PRR11: variants seen among roughly 807,000 people sequenced by gnomAD.
PRR11 encodes proline rich 11.
A neutral mutation model predicts 45.6 loss-of-function variants in PRR11; 30 were observed. The observed-to-expected ratio is 0.66, with a 90% CI of 0.49 to 0.89. PRR11 has a LOEUF of 0.89. Among genes scored for constraint, PRR11 ranks in the 40% least tolerant of loss-of-function variants. The pLI is 0.00. For synonymous variants in PRR11, 128 were observed against 153.5 expected, an observed-to-expected ratio of 0.83 and a Z score of 1.23; for missense variants, 373 against 424.8, an observed-to-expected ratio of 0.88 and a Z score of 1.07.
At chr17:59,169,988 C>T (rs919913761) in intron 2 of PRR11, 108 bp downstream of exon 2, 1 of 1,369,648 alleles carries the variant, frequency 7.3e-7, no homozygotes, top group Non-Finnish European at 9.7e-7. Flanking sequence ...TGCAGTCATT[C>T]ATTCCTGTAA....
At chr17:59,192,366 A>G (rs1052481585) in intron 4 of PRR11, among the ~76,000 whole-genome samples, 2 of 152,222 alleles carry the variant, frequency 1.3e-5, no homozygotes, top group Non-Finnish European at 2.9e-5. Context: ...ATAAGCTTCA[A>G]TTGTTTTCAA....
chr17:59,195,965 G>A (rs1029269750), intron 7 of PRR11, among the ~76,000 whole-genome samples: 7 of 151,656 alleles, frequency 4.6e-5, no homozygotes, highest in African/African-American at 9.7e-5. Flanking sequence ...GTGTGTGCCT[G>A]TAGTCCCAGC....
intron 4 of PRR11, among the ~76,000 whole-genome samples, chr17:59,191,321 C>T (rs1268277983): frequency 6.6e-6 from 1 of 150,968 alleles, no homozygotes; most frequent in Non-Finnish European, 1.5e-5. Context: ...CGGGTTCAAG[C>T]GATTCTCCTG....
At chr17:59,162,744 T>C (rs1466570849) in intron 1 of PRR11, among the ~76,000 whole-genome samples, 1 of 151,296 alleles carries the variant, frequency 6.6e-6, no homozygotes. Flanking sequence ...TTTTTTTTTT[T>C]TGAGACAGAG....
chr17:59,156,510 G>A (rs1392941476), intron 1 of PRR11, among the ~76,000 whole-genome samples: 1 of 152,072 alleles, frequency 6.6e-6, no homozygotes, highest in Non-Finnish European at 1.5e-5. Context: ...TGGAAATTAA[G>A]TAATTGAAGG....
At position 59,197,768 on chromosome 17, in the gene PRR11, G is replaced by A; in HGVS notation, c.993G>A (p.Gln331=). 6.2e-7 allele frequency: 1 copy of A among 1,613,688 alleles called. No homozygotes were observed. Among genetic ancestry groups the A allele is most frequent in the Non-Finnish European group, 8.5e-7 (1 of 1,179,868 alleles). Residue 331 remains glutamine (Q), a synonymous_variant, in exon 9 of 10, where the codon CAG becomes CAA. Transcript: ENST00000262293. ...CAGGACTGACTCCAGTGATGACGCAGGCCTTAAGGAGAAAGTTTCAGGTAA... is the reference window on the plus strand; with the variant it reads ...CAGGACTGACTCCAGTGATGACGCAAGCCTTAAGGAGAAAGTTTCAGGTAA... ...TGTGLTPVMT[Q]ALRRKFQLAH...
chr17:59,200,469 A>T (rs537706497), intron 9 of PRR11, among the ~76,000 whole-genome samples: 1 of 152,012 alleles, frequency 6.6e-6, no homozygotes, highest in African/African-American at 2.4e-5. Context: ...TTTTTAATAT[A>T]TACAACTAAC....
intron 5 of PRR11, among the ~76,000 whole-genome samples, chr17:59,194,267 T>TCA (rs57853873): frequency 0.088 from 12,363 of 141,040 alleles, 545 homozygotes; most frequent in East Asian, 0.17. Context: ...TTCCCAATCC[T>TCA]CACACACACA....
intron 7 of PRR11, among the ~76,000 whole-genome samples, chr17:59,196,596 C>G (rs2046867051): frequency 6.6e-6 from 1 of 151,894 alleles, no homozygotes. Context: ...AGGGTGGTCT[C>G]AAACTCCTGA....
intron 2 of PRR11, among the ~76,000 whole-genome samples, chr17:59,171,088 T>C (rs1372985014): frequency 6.6e-6 from 1 of 151,290 alleles, no homozygotes; most frequent in Non-Finnish European, 1.5e-5. Context: ...TGAAACCCCG[T>C]CTCTACTAAA....
intron 1 of PRR11, among the ~76,000 whole-genome samples, chr17:59,166,005 A>G (rs1159964251): frequency 1.3e-5 from 2 of 152,208 alleles, no homozygotes; most frequent in East Asian, 1.9e-4. Flanking sequence ...AGTTAGTCCA[A>G]TTAGATGTTA....
At chr17:59,178,376 G>A in intron 2 of PRR11, 1 of 448,154 alleles carries the variant, frequency 2.2e-6, no homozygotes, top group South Asian at 1.7e-5. Context: ...GGGAAGTGCT[G>A]GAGGGAGAGA....
At chr17:59,160,801 A>C (rs557474279) in intron 1 of PRR11, 3 of 152,098 alleles carry the variant, frequency 2.0e-5, no homozygotes, top group African/African-American at 7.2e-5. Flanking sequence ...TGGCGCAGTC[A>C]TGGGTCACTG....
intron 2 of PRR11, among the ~76,000 whole-genome samples, chr17:59,172,817 C>A (rs1050003679): frequency 6.6e-6 from 1 of 152,224 alleles, no homozygotes; most frequent in Admixed American, 6.5e-5. Context: ...CCATGGTGGG[C>A]CCCTGCACCA....
At chr17:59,166,762 T>TA (rs2046681913) in intron 1 of PRR11, among the ~76,000 whole-genome samples, 2 of 152,194 alleles carry the variant, frequency 1.3e-5, no homozygotes, top group African/African-American at 4.8e-5. Context: ...GACATTTGTA[T>TA]AAAAAATTCA....
Position 59,204,892 on chromosome 17 carries a change from G to A in PRR11, c.*3261G>A, listed in dbSNP as rs1322793779. Among the ~76,000 whole-genome samples the A allele has an allele frequency of 2.6e-5, 4 of 151,864 alleles. No individual in the cohort carries two copies. Among genetic ancestry groups the A allele is most frequent in the African/African-American group, 9.7e-5 (4 of 41,352 alleles). On this transcript the variant is annotated 3_prime_UTR_variant, in exon 10 of 10. Coordinates refer to ENST00000262293, the MANE Select transcript of PRR11 (RefSeq NM_018304.4). ...AAAAACGAAAAATTAGCCGGGAGCG[G>A]TGATGTGTGCCTGTAGTCCCAGCTA...
intron 2 of PRR11, among the ~76,000 whole-genome samples, chr17:59,172,781 A>G (rs1170499925): frequency 1.3e-5 from 2 of 152,256 alleles, no homozygotes; most frequent in Non-Finnish European, 2.9e-5. Context: ...CGGGACCTGC[A>G]GCCCGCCATG....
chr17:59,170,996 A>C (rs568580616), intron 2 of PRR11, among the ~76,000 whole-genome samples: 1 of 152,126 alleles, frequency 6.6e-6, no homozygotes, highest in African/African-American at 2.4e-5. Flanking sequence ...GCGGTGGCTC[A>C]TGCCCGTAAT....
rs1222849554 is a variant in PRR11 at position 59,197,784 on chromosome 17, T to C, written c.1009T>C (p.Phe337Leu). 1 of 1,612,542 alleles carries C rather than the reference T, an allele frequency of 6.2e-7. No homozygotes were observed. Among genetic ancestry groups the C allele is most frequent in the Admixed American group, 1.7e-5 (1 of 59,980 alleles). ...GATGACGCAGGCCTTAAGGAGAAAG[T>C]TTCAGGTAACCCTTTAGGAAAAGAA... ...PVMTQALRRK[F>L]QLAHPRSPTP... Residue 337 changes from phenylalanine to leucine, a missense_variant, in exon 9 of 10, where the codon TTT becomes CTT. Physicochemically the swap from Phe to Leu is conservative, Grantham distance 22 (BLOSUM62 0). Transcript: ENST00000262293.
Sources: gnomAD v4.1 joint callset for allele counts (sites outside exome capture counted in the v4.1 genomes callset) on GRCh38, gnomAD v4.1.1 for gene constraint, MANE v1.5 for transcripts, NCBI Gene and HGNC (gene_info 2026-07-23, HGNC 2026-07-21) for gene names.